The following ITGAE variants were observed in gnomAD, a reference collection of about 807,000 sequenced individuals.
The protein encoded by ITGAE is integrin subunit alpha E.
A neutral mutation model predicts 136.5 loss-of-function variants in ITGAE; 99 were observed. The observed-to-expected ratio is 0.73, with a 90% CI of 0.62 to 0.86. The LOEUF is 0.86. Ranked by LOEUF, ITGAE falls within the 40% of genes least tolerant of loss-of-function variation. The pLI is 0.00. For missense variants in ITGAE, 1,447 were observed against 1,515.3 expected (o/e 0.95, Z 0.75); for synonymous variants, 613 against 591.8 (o/e 1.04, Z -0.52).
chr17:3,757,602 G>T, intron 9 of ITGAE, 104 bp downstream of exon 9: 1 of 1,222,502 alleles, frequency 8.2e-7, no homozygotes, highest in Non-Finnish European at 1.2e-6. Flanking sequence ...ATAGAACAGG[G>T]TCTGGATAAG....
intron 18 of ITGAE, among the ~76,000 whole-genome samples, chr17:3,744,474 T>A (rs2051666601): frequency 7.2e-6 from 1 of 138,030 alleles, no homozygotes; most frequent in Non-Finnish European, 1.5e-5. Context: ...TGAGATGGAG[T>A]CTCGCTCTGT....
intron 28 of ITGAE, among the ~76,000 whole-genome samples, chr17:3,721,075 C>T (rs960639043): frequency 6.6e-6 from 1 of 151,054 alleles, no homozygotes; most frequent in Non-Finnish European, 1.5e-5. Context: ...ACCACAGGTG[C>T]ACCCCACCAC....
chr17:3,727,115 C>CA (rs34940884), intron 26 of ITGAE, among the ~76,000 whole-genome samples: 11 of 147,370 alleles, frequency 7.5e-5, no homozygotes, highest in East Asian at 2.0e-4. Context: ...GTAGTCTGAG[C>CA]AAAAAAAAAA....
chr17:3,800,782 A>C (rs1037697299), intron 1 of ITGAE, among the ~76,000 whole-genome samples: 3 of 152,160 alleles, frequency 2.0e-5, no homozygotes, highest in African/African-American at 7.2e-5. Flanking sequence ...CAAACTACAG[A>C]GTCAAGGACC....
chr17:3,750,848 G>A lies in ITGAE; in HGVS notation c.1894-366C>T, dbSNP rs151068122. Among the ~76,000 whole-genome samples the A allele has an allele frequency of 5.9e-5, 9 of 151,342 alleles. No individual in the cohort carries two copies. In the East Asian group the frequency reaches 1.5e-3, roughly 26 times the overall value. The stretch of plus-strand genomic sequence containing the variant: ...AACAAAGGTTCTGTTGTTTTGAAGT[G>A]ACATAATCAGGATAACACTTTAGAA... On this transcript the variant is annotated intron_variant, in intron 15 of 30. Coordinates refer to ENST00000263087, the MANE Select transcript of ITGAE (RefSeq NM_002208.5).
At chr17:3,731,341 T>C (rs9899937) in intron 22 of ITGAE, among the ~76,000 whole-genome samples, 158 bp from the exon 23 acceptor site, 18,027 of 39,556 alleles carry the variant, frequency 0.46, 3,820 homozygotes, top group African/African-American at 0.64. Flanking sequence ...CTTCCTTTTT[T>C]TTTTTTTTTT....
At chr17:3,733,713 A>G (rs1336761066) in intron 21 of ITGAE, among the ~76,000 whole-genome samples, 1 of 152,166 alleles carries the variant, frequency 6.6e-6, no homozygotes, top group Non-Finnish European at 1.5e-5. Flanking sequence ...GGGCCACTGC[A>G]CCCATCCAAA....
rs540352602 is a variant in ITGAE at position 3,747,982 on chromosome 17, C to T, written c.2095G>A (p.Gly699Ser). Residue 699 changes from glycine (G) to serine (S), a missense_variant, in exon 17 of 31, where the codon GGC (glycine) becomes AGC (serine). By Grantham distance (56) the Gly-to-Ser change is moderately conservative. Transcript: ENST00000263087. ...AAACATAAACGGACATTCACGACGCCGTTGAAGCCGATGGGCAGTGCGCTG... is the reference window on the plus strand; with the variant it reads ...AAACATAAACGGACATTCACGACGCTGTTGAAGCCGATGGGCAGTGCGCTG... ...TPSALPIGFNGVVNVRLCFEI... is the reference protein window; with the variant it reads ...TPSALPIGFNSVVNVRLCFEI... The T allele has an allele frequency of 6.1e-5, 98 of 1,612,992 alleles. No individual in the cohort carries two copies. The highest frequency in any genetic ancestry group is 7.7e-5 in the Non-Finnish European group (91 of 1,179,376).
At chr17:3,797,215 G>T (rs2053134604) in intron 1 of ITGAE, among the ~76,000 whole-genome samples, 1 of 142,678 alleles carries the variant, frequency 7.0e-6, no homozygotes, top group East Asian at 2.1e-4. Flanking sequence ...GCCCAGGCTG[G>T]AGTGCAGTGG....
intron 21 of ITGAE, among the ~76,000 whole-genome samples, chr17:3,733,146 GC>G (rs1366323567): frequency 5.9e-5 from 9 of 151,986 alleles, no homozygotes; most frequent in Non-Finnish European, 1.2e-4. Flanking sequence ...ACCACGCCCG[GC>G]TAATTTTTTG....
intron 10 of ITGAE, 65 bp from the exon 11 acceptor site, chr17:3,755,962 G>C: frequency 6.7e-7 from 1 of 1,490,612 alleles, no homozygotes; most frequent in East Asian, 2.4e-5. Context: ...TGAGTCAGGG[G>C]ACAGTCCAGC....
intron 1 of ITGAE, among the ~76,000 whole-genome samples, chr17:3,787,348 G>A (rs2052824971): frequency 6.6e-6 from 1 of 152,118 alleles, no homozygotes; most frequent in Non-Finnish European, 1.5e-5. Context: ...CTGACCTCAG[G>A]TGATCCGCCC....
At position 3,731,123 on chromosome 17, in the gene ITGAE, T is replaced by A. The variant is rs766531421; in HGVS notation, c.2815A>T (p.Ile939Phe). The change falls in exon 23 of 31, where the codon ATC (isoleucine) becomes TTC (phenylalanine). Residue 939 changes from isoleucine (I) to phenylalanine (F), a missense_variant. Physicochemically the swap from Ile to Phe is conservative, Grantham distance 21. This residue lies in a region of ITGAE where 1,031 missense variants were observed against 1,011.4 expected (regional missense o/e 1.02). Transcript: ENST00000263087. ...ACTTACTTGGTGACAGTCACAGTGA[T>A]GTCTGCTGTCCTGTTTGGAAAGGCA... ...ENAFPNRTAD[I>F]TVTVTNSNER... is the part of the protein sequence containing the mutation. The A allele has an allele frequency of 4.7e-5, 76 of 1,613,484 alleles. No homozygotes were observed. In the South Asian group the frequency reaches 7.0e-4, roughly 15 times the overall value.
rs771015302 is a variant in ITGAE at position 3,799,396 on chromosome 17, T to G, written c.34+1715A>C. ...TCATCGCTCTCTGCTGCCCATCAGC[T>G]TGGGAAGGGCCTAGGCCTCAAAAGA... On this transcript the variant is annotated intron_variant, in intron 1 of 30. Coordinates refer to ENST00000263087, the MANE Select transcript of ITGAE (RefSeq NM_002208.5). This position sits in a 1 kb window ranked among gnomAD's most constrained non-coding sequence, Gnocchi z 4.1. Among the ~76,000 whole-genome samples, 17 of 152,012 alleles carry G rather than the reference T, an allele frequency of 1.1e-4. No individual in the cohort carries two copies. The highest frequency in any genetic ancestry group is 2.2e-4 in the Non-Finnish European group (15 of 68,000).
rs755921482 is a variant in ITGAE, at chr17:3,743,630, C to T, written c.2320-13G>A. 9 of 1,608,116 alleles carry T rather than the reference C, an allele frequency of 5.6e-6. No individual in the cohort carries two copies. The highest frequency in any genetic ancestry group is 1.1e-5 in the South Asian group (1 of 90,174). ...CCTCCTCACAGAGCTGTGGGGTCAC[C>T]ACGGAAGGCAGGGTTAGAGTTGGAT... On this transcript the variant is annotated splice_polypyrimidine_tract_variant and intron_variant, in intron 18 of 30. Coordinates refer to ENST00000263087, the MANE Select transcript of ITGAE (RefSeq NM_002208.5).
Position 3,780,092 on chromosome 17 carries a change from G to C in ITGAE, c.35-2432C>G, listed in dbSNP as rs146157710. Among the ~76,000 whole-genome samples the C allele has an allele frequency of 5.4e-3, 823 of 152,066 alleles. 6 individuals are homozygous for C. Among genetic ancestry groups the C allele is most frequent in the African/African-American group, 0.019 (793 of 41,476 alleles). ...AGGTTCAAGCGATTCTCCTGCCTCA[G>C]CCTCCCGAGTAGCTGGGATTACAGG... On this transcript the variant is annotated intron_variant, in intron 1 of 30. Coordinates refer to ENST00000263087, the MANE Select transcript of ITGAE (RefSeq NM_002208.5).
intron 1 of ITGAE, among the ~76,000 whole-genome samples, chr17:3,795,987 A>ACC (rs1353101781): frequency 1.2e-4 from 3 of 25,604 alleles, no homozygotes; most frequent in Non-Finnish European, 2.2e-4. Flanking sequence ...CCGTGTGTGC[A>ACC]TCTGTGTGTG....
intron 8 of ITGAE, 62 bp from the exon 9 acceptor site, chr17:3,757,921 G>C: frequency 6.4e-7 from 1 of 1,573,398 alleles, no homozygotes; most frequent in Non-Finnish European, 8.7e-7. Context: ...AGCTCCAGGA[G>C]AGACTTTATT....
intron 2 of ITGAE, among the ~76,000 whole-genome samples, chr17:3,772,090 C>T (rs2052438012): frequency 6.6e-6 from 1 of 152,204 alleles, no homozygotes; most frequent in African/African-American, 2.4e-5. Context: ...CCTTACTCAG[C>T]CGGCCTCCAG....
Sources: gnomAD v4.1 joint callset for allele counts (sites outside exome capture counted in the v4.1 genomes callset) on GRCh38, gnomAD v4.1.1 for gene constraint, gnomAD v4.1.1 regional missense constraint, Gnocchi (gnomAD v3.1) non-coding constraint, MANE v1.5 for transcripts, NCBI Gene and HGNC (gene_info 2026-07-23, HGNC 2026-07-21) for gene names.